ZNF730: variants seen among roughly 807,000 people sequenced by gnomAD.
ZNF730 encodes the protein zinc finger protein 730, also known as putative zinc finger protein 730.
Under a neutral mutation model 12.6 loss-of-function variants are expected in ZNF730, and 12 were observed. The observed-to-expected ratio is 0.95, with a 90% confidence interval of 0.61 to 1.54. The LOEUF is 1.54. Ranked by LOEUF, ZNF730 falls within the 40% of genes most tolerant of loss-of-function variation. The pLI is 0.00. For synonymous variants in ZNF730, 194 were observed against 195.8 expected, an observed-to-expected ratio of 0.99 and a Z score of 0.08; for missense variants, 643 against 583.5, an observed-to-expected ratio of 1.10 and a Z score of -1.05.
intron 1 of ZNF730, among the ~76,000 whole-genome samples, chr19:23,130,889 AT>A (rs1219314455): frequency 1.3e-5 from 2 of 152,144 alleles, no homozygotes; most frequent in African/African-American, 4.8e-5. Flanking sequence ...TGAAGGCCTT[AT>A]TTAAGTCTGG....
chr19:23,133,517 T>C (rs1329015914), intron 1 of ZNF730, among the ~76,000 whole-genome samples: 1 of 152,164 alleles, frequency 6.6e-6, no homozygotes, highest in African/African-American at 2.4e-5. Flanking sequence ...TAATTTTGTG[T>C]TTTTAGTAGA....
rs180829657 is a variant in ZNF730 at position 23,103,825 on chromosome 19, G to A, written c.-94+28438G>A. On this transcript the variant is annotated intron_variant, in intron 1 of 2. Transcript: ENST00000593635. The stretch of plus-strand genomic sequence containing the variant: ...TAAGTTATTGTAAACCACAGAGATA[G>A]CCAAACTTCTTTGTCAATTGTGTTT... 3.2e-3 allele frequency among the ~76,000 whole-genome samples: 484 copies of A among 152,248 alleles called. 4 individuals carry two copies. The highest frequency in any genetic ancestry group is 8.9e-3 in the African/African-American group (371 of 41,562).
chr19:23,124,067 G>T (rs1345635603), intron 1 of ZNF730: 3 of 152,130 alleles, frequency 2.0e-5, no homozygotes, highest in Non-Finnish European at 1.5e-5. Flanking sequence ...TCCTCTCCCT[G>T]CAGCGCAGGC....
intron 1 of ZNF730, chr19:23,127,539 A>C (rs1970685431): frequency 3.3e-6 from 3 of 908,590 alleles, no homozygotes; most frequent in Admixed American, 3.5e-5. Flanking sequence ...TAACCTGCAT[A>C]GTCTTCATTT....
At chr19:23,089,397 G>C (rs973312802) in intron 1 of ZNF730, among the ~76,000 whole-genome samples, 3 of 152,052 alleles carry the variant, frequency 2.0e-5, no homozygotes, top group Non-Finnish European at 4.4e-5. Context: ...TAGAGACAGT[G>C]ATATTGTTTG....
intron 1 of ZNF730, among the ~76,000 whole-genome samples, chr19:23,103,496 T>C (rs1486643957): frequency 6.6e-6 from 1 of 152,182 alleles, no homozygotes; most frequent in Non-Finnish European, 1.5e-5. Context: ...TAATCTGAAA[T>C]TCTATTTTAT....
chr19:23,112,581 C>T (rs146568250), upstream of ZNF730, among the ~76,000 whole-genome samples: 16 of 152,018 alleles, frequency 1.1e-4, no homozygotes, highest in African/African-American at 3.9e-4. Context: ...AATTAGTCAG[C>T]GTGGTGGTGC....
intron 1 of ZNF730, chr19:23,075,512 G>A (rs935057605): frequency 6.6e-6 from 1 of 152,380 alleles, no homozygotes; most frequent in African/African-American, 2.4e-5. Context: ...CTCGGCCCCA[G>A]GCGTCTCTGG....
rs149730773 is a variant in ZNF730 at position 23,133,468 on chromosome 19, G to A, written c.4-612G>A. On this transcript the variant is annotated intron_variant, in intron 1 of 3. Transcript: ENST00000597761. ...GCAATTCGCCTGCCTCAGCCTTCCCGAGTAGCTGGAATTACAGGCATGCGC... is the reference window on the plus strand; with the variant it reads ...GCAATTCGCCTGCCTCAGCCTTCCCAAGTAGCTGGAATTACAGGCATGCGC... Among the ~76,000 whole-genome samples the A allele has an allele frequency of 3.2e-3, 493 of 152,170 alleles. 4 individuals are homozygous for A. The highest frequency in any genetic ancestry group is 9.0e-3 in the African/African-American group (372 of 41,516).
chr19:23,126,837 T>C, intron 1 of ZNF730: 1 of 539,984 alleles, frequency 1.9e-6, no homozygotes, highest in Admixed American at 2.1e-5. Context: ...ATTAGCATTT[T>C]CATAATCCAG....
intron 3 of ZNF730, among the ~76,000 whole-genome samples, chr19:23,142,876 A>G (rs188328259): frequency 1.3e-5 from 2 of 150,146 alleles, no homozygotes; most frequent in Non-Finnish European, 3.0e-5. Context: ...GGTTTTACTA[A>G]TTTCTTATTC....
chr19:23,145,760 G>A lies in ZNF730; in HGVS notation c.716G>A (p.Trp239Ter). ...AAAGAATGTGGCAAAGCCTTTAACTGGTTTTCACATTTTACTACACATAAG... is the reference window on the plus strand; with the variant it reads ...AAAGAATGTGGCAAAGCCTTTAACTAGTTTTCACATTTTACTACACATAAG... The part of the protein sequence containing the change: ...KCKECGKAFN[W>*]FSHFTTHKRI... The change falls in exon 4 of 4, where the codon TGG becomes TAG. Residue 239 changes from tryptophan to a stop codon, truncating the protein, a stop_gained. Transcript: ENST00000597761. LOFTEE classifies it low-confidence loss of function (END_TRUNC). 1 of 1,568,750 alleles carries A rather than the reference G, an allele frequency of 6.4e-7. No individual in the cohort carries two copies. The highest frequency in any genetic ancestry group is 8.6e-7 in the Non-Finnish European group (1 of 1,159,112).
At chr19:23,114,564 G>A (rs960487324), upstream of ZNF730, among the ~76,000 whole-genome samples, 1 of 151,610 alleles carries the variant, frequency 6.6e-6, no homozygotes, top group African/African-American at 2.4e-5. Flanking sequence ...GTGTTAGCCA[G>A]GATGGTCTCG....
chr19:23,098,684 C>T (rs562366996), intron 1 of ZNF730, among the ~76,000 whole-genome samples: 10 of 152,136 alleles, frequency 6.6e-5, no homozygotes, highest in Admixed American at 2.0e-4. Flanking sequence ...TGGTAACATA[C>T]CATTGGTTGA....
chr19:23,094,779 A>AT (rs965810902), intron 1 of ZNF730, among the ~76,000 whole-genome samples: 2 of 151,878 alleles, frequency 1.3e-5, no homozygotes, highest in Non-Finnish European at 2.9e-5. Flanking sequence ...CGGCCTATCT[A>AT]TTTTTTTAGT....
At chr19:23,129,993 C>CA (rs34321928) in intron 1 of ZNF730, among the ~76,000 whole-genome samples, 24,804 of 87,770 alleles carry the variant, frequency 0.28, 2,587 homozygotes, top group Non-Finnish European at 0.32. Context: ...GACTCCGCCT[C>CA]AAAAAAAAAA....
rs1970786636 is a variant in ZNF730 at position 23,134,156 on chromosome 19, A to T, written c.80A>T (p.Asn27Ile). The T allele has an allele frequency of 6.2e-7, 1 of 1,612,882 alleles. No homozygotes were observed. Among genetic ancestry groups the T allele is most frequent in the Middle Eastern group, 1.7e-4 (1 of 6,060 alleles). The change falls in exon 2 of 4, where the codon AAT becomes ATT. Residue 27 changes from asparagine (N) to isoleucine (I), a missense_variant. Coordinates refer to ENST00000597761, the MANE Select transcript of ZNF730 (RefSeq NM_001277403.2). Reference sequence around the variant, plus strand: ...CAATGTCTGGACACCGAACAACAGAATTTATATAGAAATGTAATGTTAGAT... The same window carrying T: ...CAATGTCTGGACACCGAACAACAGATTTTATATAGAAATGTAATGTTAGAT... The part of the protein sequence containing the change: ...EWQCLDTEQQ[N>I]LYRNVMLDNY...
At chr19:23,081,826 A>G (rs1969971256) in intron 1 of ZNF730, among the ~76,000 whole-genome samples, 2 of 152,116 alleles carry the variant, frequency 1.3e-5, no homozygotes, top group South Asian at 4.1e-4. Context: ...TGGAGCAATG[A>G]TAGCTCACTG....
chr19:23,133,327 G>T (rs1273991194), intron 1 of ZNF730, among the ~76,000 whole-genome samples: 2 of 150,672 alleles, frequency 1.3e-5, no homozygotes, highest in Non-Finnish European at 3.0e-5. Context: ...GTCATCTTGT[G>T]TTTTTTTTGT....
Sources: allele counts gnomAD v4.1 joint callset (sites outside exome capture counted in the v4.1 genomes callset), GRCh38; gene constraint gnomAD v4.1.1; transcripts MANE v1.5; gene names NCBI Gene and HGNC (gene_info 2026-07-23, HGNC 2026-07-21).